Variants in CEBPZOS observed in about 807,000 individuals in gnomAD.
CEBPZOS encodes protein CEBPZOS.
A neutral mutation model predicts 4.8 loss-of-function variants in CEBPZOS; 10 were observed. The observed-to-expected ratio is 2.07, with a 90% CI of 1.28 to 3.52. The LOEUF is 3.52. Ranked by LOEUF, CEBPZOS falls within the 30% of genes most tolerant of loss-of-function variation. The probability of loss-of-function intolerance (pLI) is 0.00; values close to 1 mark genes in which losing one functional copy is unlikely to be tolerated. For missense variants in CEBPZOS, 98 were observed against 43.6 expected (o/e 2.25, Z -3.51); for synonymous variants, 25 against 14.2 (o/e 1.77, Z -1.72).
downstream of CEBPZOS, among the ~76,000 whole-genome samples, chr2:37,205,987 G>A (rs1323744675): frequency 6.6e-6 from 1 of 152,220 alleles, no homozygotes; most frequent in Non-Finnish European, 1.5e-5. Flanking sequence ...AAAAATGCAA[G>A]GCTTTTATAA....
chr2:37,202,687 A>AAAAAAAAAAAAAAAAAAAAAAAAAC lies in CEBPZOS; in HGVS notation c.*832_*833insAAAAAAAAAAAAAAAAAAACAAAAA, dbSNP rs1677326495. ...AAAAAAAAAAAAAAAAAAAAAAAAA[A>AAAAAAAAAAAAAAAAAAAAAAAAAC]AAAAAGAATAAATAAAATAACGAAA... On this transcript the variant is annotated 3_prime_UTR_variant, in exon 5 of 5. Coordinates refer to ENST00000402297, the MANE Select transcript of CEBPZOS (RefSeq NM_001322374.2). 4.6e-6 allele frequency: 1 copy of AAAAAAAAAAAAAAAAAAAAAAAAAC among 217,472 alleles called. No individual in the cohort carries two copies. The highest frequency in any genetic ancestry group is 8.3e-6 in the Non-Finnish European group (1 of 120,248). The allele number at this position is 217,472 out of a possible 1,614,324, so 13.5% of individuals were successfully genotyped here.
At chr2:37,213,887 T>C (rs760220755), downstream of CEBPZOS, 11 of 1,607,830 alleles carry the variant, frequency 6.8e-6, no homozygotes, top group Non-Finnish European at 8.5e-6. Flanking sequence ...AAATTCTTCA[T>C]CATCCACGTC....
downstream of CEBPZOS, chr2:37,208,899 C>G (rs1421533103): frequency 6.6e-6 from 1 of 152,022 alleles, no homozygotes; most frequent in East Asian, 1.9e-4. Context: ...CCTAAAGACT[C>G]ATCCAAAAAG....
chr2:37,211,141 T>A, intron 4 of CEBPZOS: 2 of 1,093,610 alleles, frequency 1.8e-6, no homozygotes, highest in Non-Finnish European at 2.7e-6. Flanking sequence ...TGGAAAATAT[T>A]ACTCCAAGAT....
chr2:37,202,115 G>T lies in CEBPZOS; in HGVS notation c.*255G>T, dbSNP rs916739582. 6.3e-6 allele frequency: 2 copies of T among 319,568 alleles called. No individual in the cohort carries two copies. Among genetic ancestry groups the T allele is most frequent in the Non-Finnish European group, 1.1e-5 (2 of 176,960 alleles). The allele number at this position is 319,568 out of a possible 1,614,324, so 19.8% of individuals were successfully genotyped here. A position where few individuals can be genotyped will look rare whatever the true frequency, so the allele number is the denominator to read the frequency against. On this transcript the variant is annotated 3_prime_UTR_variant, in exon 5 of 5. Transcript: ENST00000402297. Reference sequence around the variant, plus strand: ...AAAAGAAATGACTAAGGAAGGAAAAGAAACAAATGCTCTAAAGATTTTCTC... The same window carrying T: ...AAAAGAAATGACTAAGGAAGGAAAATAAACAAATGCTCTAAAGATTTTCTC...
At chr2:37,212,234 A>G (rs1677743543) in intron 4 of CEBPZOS, 2 of 1,129,076 alleles carry the variant, frequency 1.8e-6, no homozygotes, top group Non-Finnish European at 2.6e-6. Context: ...TTACTTGACT[A>G]CATTTCCCCT....
rs1368520921 is a variant in CEBPZOS at position 37,199,773 on chromosome 2, C to G, written c.69C>G (p.Gly23=). Residue 23 remains glycine, a synonymous_variant, in exon 2 of 5, where the codon GGC becomes GGG. Transcript: ENST00000402297. ...FKGVLVAELV[G]VFGAYFLFSK... The stretch of plus-strand genomic sequence containing the variant: ...GAGTTTTGGTAGCCGAACTTGTAGG[C>G]GTTTTTGGAGCATATTTTTTGTTTA... The G allele has an allele frequency of 1.4e-6, 1 of 717,424 alleles. No homozygotes were observed. The highest frequency in any genetic ancestry group is 2.6e-6 in the Non-Finnish European group (1 of 385,080). The allele number at this position is 717,424 out of a possible 1,614,324, so 44.4% of individuals were successfully genotyped here.
At chr2:37,210,049 G>A (rs943570547) in intron 4 of CEBPZOS, 1 of 152,128 alleles carries the variant, frequency 6.6e-6, no homozygotes, top group Non-Finnish European at 1.5e-5. Flanking sequence ...GATTATCAGG[G>A]AAATGCAAAT....
chr2:37,212,855 A>C (rs866909888), intron 4 of CEBPZOS, among the ~76,000 whole-genome samples: 17 of 147,612 alleles, frequency 1.2e-4, no homozygotes, highest in East Asian at 5.9e-4. Context: ...AAAAAAACAA[A>C]AACAACAACA....
At chr2:37,205,723 T>C (rs1050871079), downstream of CEBPZOS, among the ~76,000 whole-genome samples, 1 of 152,260 alleles carries the variant, frequency 6.6e-6, no homozygotes, top group African/African-American at 2.4e-5. Flanking sequence ...AGAGAGGCAC[T>C]GGAGGCAAAG....
intron 4 of CEBPZOS, among the ~76,000 whole-genome samples, chr2:37,213,141 G>A (rs532260645): frequency 1.3e-5 from 2 of 152,164 alleles, no homozygotes; most frequent in East Asian, 1.9e-4. Flanking sequence ...TTTTGTTTAA[G>A]TCTATTAAGT....
chr2:37,213,866 A>G, downstream of CEBPZOS: 1 of 1,599,014 alleles, frequency 6.3e-7, no homozygotes, highest in Non-Finnish European at 8.5e-7. Context: ...CAAATTACCA[A>G]TCAGCTCTTC....
chr2:37,201,062 A>G lies in CEBPZOS; in HGVS notation c.130A>G (p.Met44Val). ...TTTTCCATCAGATTTCAGGCAAACA[A>G]TGAGCAAGAAATATCCCTTCATCTT... is the stretch of plus-strand genomic sequence containing the variant. ...MHTSQDFRQT[M>V]SKKYPFILEV... The change falls in exon 3 of 5, where the codon ATG (methionine) becomes GTG (valine). Residue 44 changes from methionine to valine, a missense_variant. Transcript: ENST00000402297. 1 of 716,508 alleles carries G rather than the reference A, an allele frequency of 1.4e-6. No individual in the cohort carries two copies. The highest frequency in any genetic ancestry group is 2.6e-6 in the Non-Finnish European group (1 of 384,802). The allele number at this position is 716,508 out of a possible 1,614,324, so 44.4% of individuals were successfully genotyped here. A position where few individuals can be genotyped will look rare whatever the true frequency, so the allele number is the denominator to read the frequency against.
At chr2:37,205,073 TG>T (rs1460088508), downstream of CEBPZOS, among the ~76,000 whole-genome samples, 1 of 152,236 alleles carries the variant, frequency 6.6e-6, no homozygotes, top group African/African-American at 2.4e-5. Context: ...AGACAAAATC[TG>T]GAAGATAACG....
At chr2:37,216,002 T>A, downstream of CEBPZOS, 5 of 547,898 alleles carry the variant, frequency 9.1e-6, no homozygotes, top group South Asian at 3.2e-5. Flanking sequence ...TAAGAATACC[T>A]ATTCTTGGGA....
chr2:37,212,984 C>T (rs990248780), intron 4 of CEBPZOS, among the ~76,000 whole-genome samples: 1 of 151,760 alleles, frequency 6.6e-6, no homozygotes, highest in Non-Finnish European at 1.5e-5. Context: ...GGCTGCAGGG[C>T]TGCAGTGAGT....
intron 4 of CEBPZOS, chr2:37,210,817 AT>A (rs2148347015): frequency 2.1e-6 from 1 of 484,798 alleles, no homozygotes; most frequent in East Asian, 3.3e-5. Context: ...ATCCAGAGAT[AT>A]CTGAATGCGA....
chr2:37,198,972 G>A (rs975877408), intron 1 of CEBPZOS, among the ~76,000 whole-genome samples: 1 of 151,806 alleles, frequency 6.6e-6, no homozygotes, highest in Non-Finnish European at 1.5e-5. Flanking sequence ...TGGGCAACAT[G>A]GTGAGACCCT....
intron 1 of CEBPZOS, among the ~76,000 whole-genome samples, chr2:37,197,972 G>A (rs78331286): frequency 0.053 from 8,054 of 152,182 alleles, 805 homozygotes; most frequent in East Asian, 0.39. Flanking sequence ...ACCACCCTGG[G>A]CAACAGGGTG....
Sources: allele counts gnomAD v4.1 joint callset (sites outside exome capture counted in the v4.1 genomes callset), GRCh38; gene constraint gnomAD v4.1.1; transcripts MANE v1.5; gene names NCBI Gene and HGNC (gene_info 2026-07-23, HGNC 2026-07-21).